The following UBE2QL1 variants were observed in gnomAD, a reference collection of about 807,000 sequenced individuals.
UBE2QL1 encodes the protein ubiquitin conjugating enzyme E2 QL1, also known as ubiquitin-conjugating enzyme E2Q-like protein 1.
A neutral mutation model predicts 12.6 loss-of-function variants in UBE2QL1; 5 were observed. That is an observed-to-expected ratio of 0.40 (90% CI 0.21 to 0.83). The LOEUF (loss-of-function observed/expected upper bound fraction) is 0.83, where lower values mean the gene tolerates loss of function less well. Among genes scored for constraint, UBE2QL1 ranks in the 40% least tolerant of loss-of-function variants. UBE2QL1 has a pLI of 0.37. For missense variants in UBE2QL1, 99 were observed against 222.6 expected, an observed-to-expected ratio of 0.44 and a Z score of 3.53; for synonymous variants, 96 against 94.5, an observed-to-expected ratio of 1.02 and a Z score of -0.10.
chr5:6,460,934 A>G (rs1176954439), intron 1 of UBE2QL1, among the ~76,000 whole-genome samples: 2 of 152,240 alleles, frequency 1.3e-5, no homozygotes, highest in Non-Finnish European at 2.9e-5. Context: ...TTCATAAATC[A>G]AATTTTAAAA....
At chr5:6,452,871 C>T (rs141768546) in intron 1 of UBE2QL1, among the ~76,000 whole-genome samples, 4 of 152,218 alleles carry the variant, frequency 2.6e-5, no homozygotes, top group African/African-American at 7.2e-5. Flanking sequence ...CAGCAGGGTC[C>T]CCAAAAGCTG....
Position 6,478,715 on chromosome 5 carries a change from A to T in UBE2QL1, c.355-12503A>T, listed in dbSNP as rs1183941269. Among the ~76,000 whole-genome samples the T allele has an allele frequency of 2.6e-5, 4 of 151,916 alleles. No individual in the cohort carries two copies. The East Asian group carries it at 7.8e-4, about 29-fold the overall frequency. ...GCAAGGCTGGGCCATAGCAGTTGTG[A>T]AATGAAGTGTCCTGATCACCCAATG... On this transcript the variant is annotated intron_variant, in intron 1 of 1. Transcript: ENST00000399816. The surrounding 1 kb of genome is among the most constrained non-coding windows in gnomAD (Gnocchi z 4.5).
chr5:6,465,943 C>G (rs1180370553), intron 1 of UBE2QL1, among the ~76,000 whole-genome samples: 1 of 152,196 alleles, frequency 6.6e-6, no homozygotes, highest in African/African-American at 2.4e-5. Context: ...CCCTTCCTTC[C>G]CCCGACACCA....
At chr5:6,477,627 C>T (rs1392834618) in intron 1 of UBE2QL1, among the ~76,000 whole-genome samples, 4 of 152,192 alleles carry the variant, frequency 2.6e-5, no homozygotes, top group African/African-American at 9.7e-5. Flanking sequence ...TTACAACATC[C>T]ACATGGAGAC....
At position 6,481,457 on chromosome 5, in the gene UBE2QL1, A is replaced by G. The variant is rs1387207335; in HGVS notation, c.355-9761A>G. 1.3e-5 allele frequency among the ~76,000 whole-genome samples: 2 copies of G among 152,196 alleles called. No individual in the cohort carries two copies. The highest frequency in any genetic ancestry group is 4.8e-5 in the African/African-American group (2 of 41,448). On this transcript the variant is annotated intron_variant, in intron 1 of 1. Coordinates refer to ENST00000399816, the MANE Select transcript of UBE2QL1 (RefSeq NM_001145161.3). This position sits in a 1 kb window ranked among gnomAD's most constrained non-coding sequence, Gnocchi z 4.5. ...TCACGGGCCTATGGCTAGAGAGCAG[A>G]GAGGGGGCACGCTCCCCTCCCCGCA...
At chr5:6,483,663 GT>G (rs1338621741) in intron 1 of UBE2QL1, among the ~76,000 whole-genome samples, 1 of 152,182 alleles carries the variant, frequency 6.6e-6, no homozygotes, top group Non-Finnish European at 1.5e-5. Flanking sequence ...AAATTTTACT[GT>G]AATAAGAATG....
chr5:6,454,183 T>G (rs971015687), intron 1 of UBE2QL1, among the ~76,000 whole-genome samples: 2 of 152,080 alleles, frequency 1.3e-5, no homozygotes, highest in Non-Finnish European at 2.9e-5. Flanking sequence ...CACCCAGCCA[T>G]ACAACACACA....
rs139462369 is a variant in UBE2QL1 at position 6,496,661 on chromosome 5, G to GA, written c.*5322dup. On this transcript the variant is annotated 3_prime_UTR_variant, in exon 2 of 2. Coordinates refer to ENST00000399816, the MANE Select transcript of UBE2QL1 (RefSeq NM_001145161.3). ...TAATCTAGAGGCACTGCCCTAATGAGAAAAAAAAAACAATGATTCTAGAAA... is the reference window on the plus strand; with the variant it reads ...TAATCTAGAGGCACTGCCCTAATGAGAAAAAAAAAAACAATGATTCTAGAAA... 4.7e-4 allele frequency among the ~76,000 whole-genome samples: 70 copies of GA among 147,990 alleles called. No individual in the cohort carries two copies. The highest frequency in any genetic ancestry group is 5.9e-4 in the East Asian group (3 of 5,096).
At chr5:6,485,180 C>A (rs917695309) in intron 1 of UBE2QL1, among the ~76,000 whole-genome samples, 9 of 152,148 alleles carry the variant, frequency 5.9e-5, no homozygotes, top group Admixed American at 2.0e-4. Context: ...CACACACACC[C>A]CCAGGCTCAC....
At chr5:6,491,137 T>G in intron 1 of UBE2QL1, 81 bp from the exon 2 acceptor site, 1 of 1,423,256 alleles carries the variant, frequency 7.0e-7, no homozygotes, top group Non-Finnish European at 9.4e-7. Flanking sequence ...TCCCCACGAC[T>G]CTGTGTGTTT....
intron 1 of UBE2QL1, among the ~76,000 whole-genome samples, chr5:6,471,841 C>A (rs1297535901): frequency 6.6e-6 from 1 of 152,170 alleles, no homozygotes; most frequent in Non-Finnish European, 1.5e-5. Flanking sequence ...TATATATAAA[C>A]TATCACATTT....
At chr5:6,453,821 A>G (rs1182417346) in intron 1 of UBE2QL1, among the ~76,000 whole-genome samples, 2 of 152,232 alleles carry the variant, frequency 1.3e-5, no homozygotes, top group East Asian at 3.8e-4. Flanking sequence ...CTCATCAGAA[A>G]GAGTGACAAA....
At chr5:6,485,224 C>T (rs1340337617) in intron 1 of UBE2QL1, among the ~76,000 whole-genome samples, 1 of 152,198 alleles carries the variant, frequency 6.6e-6, no homozygotes, top group Non-Finnish European at 1.5e-5. Flanking sequence ...CTGGATCCTT[C>T]TGTTTCCTGT....
intron 1 of UBE2QL1, among the ~76,000 whole-genome samples, chr5:6,483,371 G>A (rs1446921012): frequency 1.3e-5 from 2 of 152,120 alleles, no homozygotes; most frequent in South Asian, 2.1e-4. Flanking sequence ...CCTGGGAGGC[G>A]GAGGTTGCAG....
intron 1 of UBE2QL1, among the ~76,000 whole-genome samples, chr5:6,464,912 A>C (rs1203269183): frequency 6.6e-6 from 1 of 151,986 alleles, no homozygotes; most frequent in East Asian, 1.9e-4. Flanking sequence ...TACCAATAGC[A>C]CCCTCATGTA....
chr5:6,458,140 T>G (rs150290692), intron 1 of UBE2QL1, among the ~76,000 whole-genome samples: 255 of 152,348 alleles, frequency 1.7e-3, no homozygotes, highest in African/African-American at 4.9e-3. Context: ...TTTTTGAACA[T>G]AATTGTTACA....
rs1734228135 is a variant in UBE2QL1 at position 6,476,248 on chromosome 5, C to A, written c.355-14970C>A. On this transcript the variant is annotated intron_variant, in intron 1 of 1. Coordinates refer to ENST00000399816, the MANE Select transcript of UBE2QL1 (RefSeq NM_001145161.3). The surrounding 1 kb of genome is among the most constrained non-coding windows in gnomAD (Gnocchi z 4.9). The stretch of plus-strand genomic sequence containing the variant: ...ACCTCTGCTGCCTCTGCAGAGCCTG[C>A]ACCTCAGCAGCACCTCAGGAGCAGC... 6.6e-6 allele frequency among the ~76,000 whole-genome samples: 1 copy of A among 152,214 alleles called. No homozygotes were observed. Among genetic ancestry groups the A allele is most frequent in the Admixed American group, 6.5e-5 (1 of 15,282 alleles).
At chr5:6,457,795 G>A (rs928510523) in intron 1 of UBE2QL1, among the ~76,000 whole-genome samples, 6 of 152,190 alleles carry the variant, frequency 3.9e-5, no homozygotes, top group Admixed American at 2.0e-4. Flanking sequence ...CAAGTACCAC[G>A]TGTAGCATTA....
intron 1 of UBE2QL1, among the ~76,000 whole-genome samples, chr5:6,458,938 T>C (rs1739591125): frequency 1.3e-5 from 2 of 152,136 alleles, no homozygotes; most frequent in South Asian, 2.1e-4. Context: ...AGCGCACATG[T>C]GCCTGCGTCT....
Sources: allele counts gnomAD v4.1 joint callset (sites outside exome capture counted in the v4.1 genomes callset), GRCh38; gene constraint gnomAD v4.1.1; non-coding constraint Gnocchi (gnomAD v3.1); transcripts MANE v1.5; gene names NCBI Gene and HGNC (gene_info 2026-07-23, HGNC 2026-07-21).